The following PACRG variants were observed in gnomAD, a reference collection of about 807,000 sequenced individuals.
The protein encoded by PACRG is parkin coregulated.
In PACRG, 29 loss-of-function variants were observed where a neutral mutation model predicts 29.7. The observed-to-expected ratio is 0.98, with a 90% CI of 0.73 to 1.33. PACRG has a LOEUF of 1.33. Ranked by LOEUF, PACRG falls within the 40% of genes most tolerant of loss-of-function variation. PACRG has a pLI of 0.00. For synonymous variants in PACRG, 116 were observed against 118.7 expected (o/e 0.98, Z 0.15); for missense variants, 279 against 316.2 (o/e 0.88, Z 0.89).
Position 163,314,858 on chromosome 6 carries a change from G to A in PACRG, c.645G>A (p.Gln215=), listed in dbSNP as rs34572748. 1.2e-3 allele frequency: 1,865 copies of A among 1,614,176 alleles called. 23 individuals are homozygous for A. In the African/African-American group the frequency reaches 0.022, roughly 19 times the overall value. The change falls in exon 5 of 5, where the codon CAG becomes CAA. Residue 215 remains glutamine, a synonymous_variant. Transcript: ENST00000366888. ...VNSGDGIDYS[Q]QKRENIGDLI... ...CCGGAGACGGCATTGACTACAGCCA[G>A]CAGAAGAGGGAGAACATTGGGGACT...
At chr6:162,876,134 C>T (rs1437454322) in intron 2 of PACRG, among the ~76,000 whole-genome samples, 1 of 152,158 alleles carries the variant, frequency 6.6e-6, no homozygotes, top group Non-Finnish European at 1.5e-5. Context: ...GGTAGCGTTT[C>T]AATATTCATG....
intron 2 of PACRG, among the ~76,000 whole-genome samples, chr6:163,034,716 C>T (rs569558704): frequency 1.1e-4 from 17 of 152,262 alleles, no homozygotes; most frequent in African/African-American, 4.1e-4. Flanking sequence ...TCACCAGACA[C>T]CACCACTTAC....
At chr6:162,963,013 C>G (rs1192691595) in intron 2 of PACRG, among the ~76,000 whole-genome samples, 1 of 151,982 alleles carries the variant, frequency 6.6e-6, no homozygotes, top group Non-Finnish European at 1.5e-5. Context: ...ATTTATAGAT[C>G]TATATTAGTT....
At chr6:163,203,122 C>A (rs550263552) in intron 4 of PACRG, among the ~76,000 whole-genome samples, 1 of 152,240 alleles carries the variant, frequency 6.6e-6, no homozygotes, top group East Asian at 1.9e-4. Flanking sequence ...TAGATGGGAC[C>A]AGGCACGGCG....
intron 4 of PACRG, chr6:163,165,815 A>G: frequency 3.7e-6 from 1 of 273,178 alleles, no homozygotes; most frequent in African/African-American, 2.3e-5. Flanking sequence ...GTGACGGCCC[A>G]GGCGAGGGGA....
intron 4 of PACRG, among the ~76,000 whole-genome samples, chr6:163,285,855 G>A (rs756605517): frequency 1.3e-5 from 2 of 152,122 alleles, no homozygotes; most frequent in African/African-American, 2.4e-5. Context: ...CGCCTCGACC[G>A]GTTTGATTTG....
At chr6:163,223,035 A>G (rs531088622) in intron 4 of PACRG, among the ~76,000 whole-genome samples, 1 of 152,350 alleles carries the variant, frequency 6.6e-6, no homozygotes, top group African/African-American at 2.4e-5. Flanking sequence ...ATTACCAATT[A>G]ACTTCTACTG....
At chr6:163,299,740 A>G (rs535331085) in intron 4 of PACRG, among the ~76,000 whole-genome samples, 1 of 152,200 alleles carries the variant, frequency 6.6e-6, no homozygotes, top group Admixed American at 6.5e-5. Context: ...TTAGCTGGGC[A>G]TGGGGGCGCG....
intron 4 of PACRG, among the ~76,000 whole-genome samples, chr6:163,264,011 C>A (rs1478078116): frequency 6.6e-6 from 1 of 152,154 alleles, no homozygotes; most frequent in African/African-American, 2.4e-5. Flanking sequence ...ATTTCCCCAG[C>A]CTCTGCCAGT....
chr6:162,763,756 T>G (rs1360823957), intron 1 of PACRG, among the ~76,000 whole-genome samples: 1 of 152,230 alleles, frequency 6.6e-6, no homozygotes, highest in East Asian at 1.9e-4. Context: ...AATTATTTTC[T>G]GTTGACTTAT....
chr6:163,075,266 C>G (rs1226608212), intron 3 of PACRG, among the ~76,000 whole-genome samples: 2 of 151,908 alleles, frequency 1.3e-5, no homozygotes, highest in African/African-American at 4.8e-5. Flanking sequence ...AATTAAAATC[C>G]CCCACACAAC....
Position 163,150,588 on chromosome 6 carries a change from T to C in PACRG, c.613+61180T>C, listed in dbSNP as rs112523639. 1.3e-3 allele frequency among the ~76,000 whole-genome samples: 109 copies of C among 86,436 alleles called. 1 individual carries two copies. Among genetic ancestry groups the C allele is most frequent in the African/African-American group, 7.2e-3 (92 of 12,772 alleles). The allele number at this position is 86,436 out of a possible 152,430, so 56.7% of individuals were successfully genotyped here. A position where few individuals can be genotyped will look rare whatever the true frequency, so the allele number is the denominator to read the frequency against. On this transcript the variant is annotated intron_variant, in intron 4 of 4. Coordinates refer to ENST00000366888, the MANE Select transcript of PACRG (RefSeq NM_001080379.2). ...TCAATACCACCTTCTTCAGAAATCC[T>C]TCCAGGCTCAAGTTCCCCCGCCTCT...
chr6:163,291,496 CAG>C (rs1238019342), intron 4 of PACRG, among the ~76,000 whole-genome samples: 1 of 152,242 alleles, frequency 6.6e-6, no homozygotes, highest in African/African-American at 2.4e-5. Context: ...CCCACGGGGC[CAG>C]AGACCCGGAT....
At chr6:163,240,072 C>T (rs111239042) in intron 4 of PACRG, among the ~76,000 whole-genome samples, 2 of 139,346 alleles carry the variant, frequency 1.4e-5, no homozygotes, top group African/African-American at 5.2e-5. Context: ...ACTCACACCT[C>T]CACCCCCCCA....
At chr6:162,937,744 T>G (rs1798336750) in intron 2 of PACRG, among the ~76,000 whole-genome samples, 1 of 152,152 alleles carries the variant, frequency 6.6e-6, no homozygotes, top group Non-Finnish European at 1.5e-5. Flanking sequence ...TGTGGTAGCA[T>G]CCCTGTAACA....
chr6:163,053,385 G>T (rs1206949697), intron 2 of PACRG, among the ~76,000 whole-genome samples: 1 of 151,778 alleles, frequency 6.6e-6, no homozygotes, highest in African/African-American at 2.4e-5. Flanking sequence ...TTTTAAATAA[G>T]GACCTCTTAT....
chr6:163,008,822 C>T (rs1197279875), intron 2 of PACRG, among the ~76,000 whole-genome samples: 1 of 151,818 alleles, frequency 6.6e-6, no homozygotes, highest in Non-Finnish European at 1.5e-5. Context: ...ATGTCATGTC[C>T]TGAGGATAAA....
At chr6:162,987,226 G>A (rs888251544) in intron 2 of PACRG, among the ~76,000 whole-genome samples, 2 of 152,090 alleles carry the variant, frequency 1.3e-5, no homozygotes, top group African/African-American at 4.8e-5. Context: ...GATGTGTTGT[G>A]TTCCCACTTC....
At chr6:163,311,384 A>C (rs1028537194) in intron 4 of PACRG, among the ~76,000 whole-genome samples, 7 of 152,242 alleles carry the variant, frequency 4.6e-5, no homozygotes, top group Admixed American at 4.6e-4. Context: ...CATTTTCCTA[A>C]TCAGAATTGA....
Sources: gnomAD v4.1 joint callset for allele counts (sites outside exome capture counted in the v4.1 genomes callset) on GRCh38, gnomAD v4.1.1 for gene constraint, MANE v1.5 for transcripts, NCBI Gene and HGNC (gene_info 2026-07-23, HGNC 2026-07-21) for gene names.